The following CYP7B1 variants were observed in gnomAD, a reference collection of about 807,000 sequenced individuals.
CYP7B1 encodes cytochrome P450 family 7 subfamily B member 1, also known as cytochrome P450 7B1.
CYP7B1 carries 29 observed loss-of-function variants against 42.7 expected under a neutral mutation model. That is an observed-to-expected ratio of 0.68 (90% CI 0.51 to 0.93). The LOEUF is 0.93. CYP7B1 is among the 40% of genes least tolerant of loss of function. CYP7B1 has a pLI of 0.00. For synonymous variants in CYP7B1, 235 were observed against 218.2 expected (o/e 1.08, Z -0.68); for missense variants, 655 against 600.5 (o/e 1.09, Z -0.95).
rs1192203850 is a variant in CYP7B1, at chr8:64,685,814, C to T, written c.123-61275G>A. Reference sequence around the variant, plus strand: ...CCCCCGCCCGGCCAGCCGTGCCATCCGGGAGGGAGGTGGGGGGTCAGCTCC... The same window carrying T: ...CCCCCGCCCGGCCAGCCGTGCCATCTGGGAGGGAGGTGGGGGGTCAGCTCC... On this transcript the variant is annotated intron_variant, in intron 1 of 5. Coordinates refer to ENST00000310193, the MANE Select transcript of CYP7B1 (RefSeq NM_004820.5). 7.8e-5 allele frequency among the ~76,000 whole-genome samples: 4 copies of T among 51,274 alleles called. 2 individuals are homozygous for T. The highest frequency in any genetic ancestry group is 1.2e-4 in the African/African-American group (2 of 16,558). The allele number at this position is 51,274 out of a possible 152,430, so 33.6% of individuals were successfully genotyped here.
chr8:64,688,334 A>G (rs1490886726), intron 1 of CYP7B1, among the ~76,000 whole-genome samples: 1 of 152,160 alleles, frequency 6.6e-6, no homozygotes, highest in Non-Finnish European at 1.5e-5. Flanking sequence ...CTAGCTTTTG[A>G]AGTTTTTTCC....
intron 1 of CYP7B1, among the ~76,000 whole-genome samples, chr8:64,730,313 A>G (rs937475162): frequency 1.3e-5 from 2 of 150,262 alleles, no homozygotes; most frequent in Non-Finnish European, 3.0e-5. Flanking sequence ...CAAGTGATCC[A>G]CCCTCCTCAG....
intron 1 of CYP7B1, among the ~76,000 whole-genome samples, chr8:64,707,272 T>C (rs1807014006): frequency 6.6e-6 from 1 of 152,038 alleles, no homozygotes; most frequent in Admixed American, 6.6e-5. Flanking sequence ...GAGTCTAATA[T>C]CTATTTCAAC....
chr8:64,671,591 C>T (rs183112064), intron 1 of CYP7B1, among the ~76,000 whole-genome samples: 246 of 152,188 alleles, frequency 1.6e-3, no homozygotes, highest in Non-Finnish European at 2.8e-3. Context: ...AAATCTGATT[C>T]GAGGCTACAG....
At chr8:64,783,258 A>G (rs1804460674) in intron 1 of CYP7B1, among the ~76,000 whole-genome samples, 1 of 152,200 alleles carries the variant, frequency 6.6e-6, no homozygotes, top group African/African-American at 2.4e-5. Context: ...TGAGGGATCT[A>G]GAGCACGAAG....
At chr8:64,688,238 T>C (rs1806685737) in intron 1 of CYP7B1, among the ~76,000 whole-genome samples, 1 of 152,214 alleles carries the variant, frequency 6.6e-6, no homozygotes, top group African/African-American at 2.4e-5. Context: ...TCTACTCTTC[T>C]ATCTCCATCT....
intron 1 of CYP7B1, among the ~76,000 whole-genome samples, chr8:64,719,157 A>G (rs984881043): frequency 2.6e-5 from 4 of 152,208 alleles, no homozygotes; most frequent in Non-Finnish European, 5.9e-5. Context: ...CATTTCAATG[A>G]CCAACCTACA....
chr8:64,590,127 TCA>T (rs952541806), downstream of CYP7B1, among the ~76,000 whole-genome samples: 3 of 152,208 alleles, frequency 2.0e-5, no homozygotes, highest in African/African-American at 7.2e-5. Flanking sequence ...GATAATTATT[TCA>T]CAGTTTATCT....
intron 1 of CYP7B1, among the ~76,000 whole-genome samples, chr8:64,625,043 G>A (rs1244115960): frequency 1.5e-5 from 2 of 129,950 alleles, no homozygotes; most frequent in African/African-American, 5.9e-5. Flanking sequence ...GTGCGATCTC[G>A]GCTCACTGCA....
chr8:64,608,763 A>G lies in CYP7B1; in HGVS notation c.1058-3906T>C, dbSNP rs977957772. ...ATTTCTACATAAGTGTCTTCAAGGC[A>G]GTTGAGAAGGTAAATAAGAAATTGT... On this transcript the variant is annotated intron_variant, in intron 4 of 5. Transcript: ENST00000310193. 9.2e-5 allele frequency among the ~76,000 whole-genome samples: 14 copies of G among 152,340 alleles called. No individual in the cohort carries two copies. The South Asian group carries it at 1.9e-3, about 20-fold the overall frequency.
At chr8:64,751,296 CAG>C (rs1381381946) in intron 1 of CYP7B1, among the ~76,000 whole-genome samples, 1 of 152,158 alleles carries the variant, frequency 6.6e-6, no homozygotes, top group Non-Finnish European at 1.5e-5. Context: ...TACAGACATA[CAG>C]AGTCTTATCC....
intron 1 of CYP7B1, among the ~76,000 whole-genome samples, chr8:64,684,638 C>T (rs1467045914): frequency 6.6e-6 from 1 of 152,182 alleles, no homozygotes; most frequent in Non-Finnish European, 1.5e-5. Flanking sequence ...TGATGTCACT[C>T]AAATGAACCT....
At chr8:64,647,874 T>C (rs1235881135) in intron 1 of CYP7B1, among the ~76,000 whole-genome samples, 1 of 152,094 alleles carries the variant, frequency 6.6e-6, no homozygotes, top group Non-Finnish European at 1.5e-5. Context: ...TTAATCTGGG[T>C]AGCCATGGCC....
intron 1 of CYP7B1, among the ~76,000 whole-genome samples, chr8:64,655,508 A>G (rs1170915084): frequency 2.0e-5 from 3 of 152,238 alleles, no homozygotes; most frequent in Non-Finnish European, 4.4e-5. Context: ...TAATATTAAA[A>G]GGTCAAAAAA....
chr8:64,668,105 T>G (rs1489241568), intron 1 of CYP7B1, among the ~76,000 whole-genome samples: 1 of 152,208 alleles, frequency 6.6e-6, no homozygotes, highest in East Asian at 1.9e-4. Flanking sequence ...TCAACAGCAG[T>G]GTTTGAGATG....
intron 1 of CYP7B1, among the ~76,000 whole-genome samples, chr8:64,679,191 T>C (rs1806498257): frequency 6.6e-6 from 1 of 152,182 alleles, no homozygotes; most frequent in Non-Finnish European, 1.5e-5. Context: ...TATTCATTCA[T>C]TCATTCATTC....
intron 1 of CYP7B1, among the ~76,000 whole-genome samples, chr8:64,775,045 C>A (rs555048787): frequency 1.1e-3 from 174 of 152,196 alleles, no homozygotes; most frequent in Non-Finnish European, 2.2e-3. Context: ...GAGTTTCATC[C>A]AAATTGTTTT....
intron 1 of CYP7B1, among the ~76,000 whole-genome samples, chr8:64,709,458 T>C (rs1350541988): frequency 6.6e-6 from 1 of 152,200 alleles, no homozygotes; most frequent in South Asian, 2.1e-4. Flanking sequence ...ATTAAATATG[T>C]ATGTATATAT....
At chr8:64,601,954 A>G (rs1370675480) in intron 5 of CYP7B1, among the ~76,000 whole-genome samples, 1 of 152,218 alleles carries the variant, frequency 6.6e-6, no homozygotes, top group Non-Finnish European at 1.5e-5. Flanking sequence ...TGATCTATTT[A>G]GGCCCAGTAC....
Sources: allele counts gnomAD v4.1 joint callset (sites outside exome capture counted in the v4.1 genomes callset), GRCh38; gene constraint gnomAD v4.1.1; transcripts MANE v1.5; gene names NCBI Gene and HGNC (gene_info 2026-07-23, HGNC 2026-07-21).